Variants in DMD observed in about 807,000 individuals in gnomAD.
The protein encoded by DMD is mutant dystrophin.
DMD carries 63 observed loss-of-function variants against 330.1 expected under a neutral mutation model. That is an observed-to-expected ratio of 0.19 (90% CI 0.16 to 0.24). The LOEUF is 0.24. Ranked by LOEUF, DMD falls within the 10% of genes least tolerant of loss-of-function variation. The probability of loss-of-function intolerance (pLI) is 1.00; values close to 1 mark genes in which losing one functional copy is unlikely to be tolerated. For synonymous variants in DMD, 1,223 were observed against 959.8 expected, an observed-to-expected ratio of 1.27 and a Z score of -5.07; for missense variants, 3,344 against 2,684.1, an observed-to-expected ratio of 1.25 and a Z score of -5.43.
intron 1 of DMD, among the ~76,000 whole-genome samples, chrX:33,070,688 T>C (rs1402400640): frequency 1.2e-5 from 1 of 82,941 alleles, no homozygotes; most frequent in African/African-American, 4.6e-5. Flanking sequence ...TATATATATA[T>C]ATATATATAT....
chrX:33,210,814 A>G (rs1246907158), intron 1 of DMD, among the ~76,000 whole-genome samples: 1 of 111,638 alleles, frequency 9.0e-6, no homozygotes, highest in Non-Finnish European at 1.9e-5. Context: ...GTGTCAGAGA[A>G]ACTTTTTCTA....
chrX:32,160,221 T>G (rs192284465), intron 44 of DMD, among the ~76,000 whole-genome samples: 15 of 109,475 alleles, frequency 1.4e-4, no homozygotes, highest in Admixed American at 2.0e-4. Context: ...TTTTTTTTTT[T>G]TTGTTTGCGT....
intron 63 of DMD, among the ~76,000 whole-genome samples, chrX:31,242,702 G>GTGTGTA (rs1569497183): frequency 2.4e-5 from 2 of 83,072 alleles, no homozygotes; most frequent in Non-Finnish European, 5.1e-5. Flanking sequence ...AATAAGATAT[G>GTGTGTA]TGTGTGTGTG....
intron 64 of DMD, among the ~76,000 whole-genome samples, chrX:31,214,937 CTTTTTT>C (rs761569710): frequency 1.3e-4 from 5 of 38,101 alleles, no homozygotes; most frequent in African/African-American, 2.3e-4. Flanking sequence ...TTTCTTTTTT[CTTTTTT>C]TTTTTTTTTT....
intron 25 of DMD, among the ~76,000 whole-genome samples, chrX:32,461,314 G>A (rs955332570): frequency 9.0e-6 from 1 of 110,824 alleles, no homozygotes; most frequent in Admixed American, 9.7e-5. Flanking sequence ...TTACCGCATC[G>A]TCTTCTTCTT....
chrX:31,724,031 A>G (rs892755146), intron 52 of DMD, among the ~76,000 whole-genome samples: 1 of 112,342 alleles, frequency 8.9e-6, no homozygotes, highest in Non-Finnish European at 1.9e-5. Context: ...TAGATAGCAC[A>G]GAGTAGGCAT....
chrX:31,266,893 G>A (rs2147753318), intron 62 of DMD: 2 of 1,188,130 alleles, frequency 1.7e-6, no homozygotes, highest in East Asian at 3.1e-5. Flanking sequence ...CAGAGCCGCC[G>A]GGCTCCCCGA....
chrX:32,787,172 T>C (rs748251922), intron 7 of DMD, among the ~76,000 whole-genome samples: 318 of 109,621 alleles, frequency 2.9e-3, no homozygotes, highest in Middle Eastern at 4.8e-3. Context: ...GCTAGAAATC[T>C]ACCATGTATC....
At chrX:32,071,068 C>T (rs61360648) in intron 44 of DMD, among the ~76,000 whole-genome samples, 13,142 of 110,651 alleles carry the variant, frequency 0.12, 830 homozygotes, top group African/African-American at 0.24. Context: ...CTATCATTGT[C>T]GGACATTTGG....
At position 32,026,865 on chromosome X, in the gene DMD, A is replaced by G. The variant is rs907640989; in HGVS notation, c.6439-58351T>C. On this transcript the variant is annotated intron_variant, in intron 44 of 78. Coordinates refer to ENST00000357033, the MANE Select transcript of DMD (RefSeq NM_004006.3). ...GAGTCCTTCCATTTTAGGCTTTTTCATCTCCTAGGTCTTTGGGACTCTTTT... is the reference window on the plus strand; with the variant it reads ...GAGTCCTTCCATTTTAGGCTTTTTCGTCTCCTAGGTCTTTGGGACTCTTTT... 3.6e-5 allele frequency among the ~76,000 whole-genome samples: 4 copies of G among 110,998 alleles called. No individual in the cohort carries two copies. The East Asian group carries it at 1.1e-3, about 32-fold the overall frequency.
intron 9 of DMD, among the ~76,000 whole-genome samples, chrX:32,664,194 A>T (rs1260103392): frequency 9.3e-6 from 1 of 107,981 alleles, no homozygotes; most frequent in Non-Finnish European, 1.9e-5. Flanking sequence ...GTCAGAAGTG[A>T]TCAGATTCTG....
chrX:32,402,160 A>G (rs900079175), intron 30 of DMD, among the ~76,000 whole-genome samples: 3 of 111,976 alleles, frequency 2.7e-5, no homozygotes, highest in African/African-American at 9.7e-5. Flanking sequence ...TAGGCCATCA[A>G]TAAATATCTA....
chrX:32,565,175 T>C (rs901379689), intron 16 of DMD, among the ~76,000 whole-genome samples: 1 of 111,534 alleles, frequency 9.0e-6, no homozygotes, highest in Non-Finnish European at 1.9e-5. Context: ...TAAGCCACAT[T>C]CATAATTTTA....
intron 1 of DMD, among the ~76,000 whole-genome samples, chrX:33,166,045 A>G (rs2049035692): frequency 1.8e-5 from 2 of 111,522 alleles, no homozygotes; most frequent in African/African-American, 6.5e-5. Context: ...AGCTTTCTGA[A>G]CTGATTGGAA....
intron 45 of DMD, among the ~76,000 whole-genome samples, chrX:31,966,817 A>T (rs2095355547): frequency 1.8e-5 from 2 of 110,947 alleles, no homozygotes; most frequent in Admixed American, 9.6e-5. Flanking sequence ...AATTCAGGTG[A>T]ATTAGAGTTA....
At chrX:32,340,267 T>A (rs1309947952) in intron 41 of DMD, among the ~76,000 whole-genome samples, 1 of 111,980 alleles carries the variant, frequency 8.9e-6, no homozygotes, top group Non-Finnish European at 1.9e-5. Context: ...CATGGATAAT[T>A]AAGAGTTAAC....
chrX:33,269,587 T>G (rs1569559358), intron 1 of DMD, among the ~76,000 whole-genome samples: 1 of 111,663 alleles, frequency 9.0e-6, no homozygotes, highest in African/African-American at 3.3e-5. Flanking sequence ...GTGTCCTACT[T>G]TAAAGAAAAC....
rs1475632579 is a variant in DMD, at chrX:32,107,351, T to C, written c.6438+109565A>G. On this transcript the variant is annotated intron_variant, in intron 44 of 78. Transcript: ENST00000357033. Reference sequence around the variant, plus strand: ...ATATATAATTATATGTGTGTGTGTGTGTGTGTGTGTGTGTGTGTGTGTCTC... The same window carrying C: ...ATATATAATTATATGTGTGTGTGTGCGTGTGTGTGTGTGTGTGTGTGTCTC... Among the ~76,000 whole-genome samples the C allele has an allele frequency of 4.0e-5, 4 of 98,885 alleles. No individual in the cohort carries two copies. In the Admixed American group the frequency reaches 4.2e-4, roughly 10 times the overall value. The allele number at this position is 98,885 out of a possible 115,157, so 85.9% of individuals were successfully genotyped here.
At chrX:31,668,979 T>C (rs1373959459) in intron 53 of DMD, among the ~76,000 whole-genome samples, 1 of 112,678 alleles carries the variant, frequency 8.9e-6, no homozygotes, top group African/African-American at 3.2e-5. Flanking sequence ...ATTGTGTATA[T>C]GTACCACATT....
Sources: allele counts gnomAD v4.1 joint callset (sites outside exome capture counted in the v4.1 genomes callset), GRCh38; gene constraint gnomAD v4.1.1; transcripts MANE v1.5; gene names NCBI Gene and HGNC (gene_info 2026-07-23, HGNC 2026-07-21).